Variants in GNPTAB observed in about 807,000 individuals in gnomAD.
GNPTAB encodes the protein N-acetylglucosamine-1-phosphate transferase subunits alpha and beta.
Under a neutral mutation model 136.6 loss-of-function variants are expected in GNPTAB, and 92 were observed. The ratio of observed to expected loss-of-function variants is 0.67; its 90% CI spans 0.57 to 0.80. GNPTAB has a LOEUF of 0.80. GNPTAB is among the 30% of genes least tolerant of loss of function. The pLI is 0.00. For synonymous variants in GNPTAB, 512 were observed against 535.1 expected (o/e 0.96, Z 0.60); for missense variants, 1,343 against 1,501.8 (o/e 0.89, Z 1.75).
In GNPTAB at chr12:101,761,206, G is replaced by C; in HGVS notation, c.3056C>G (p.Thr1019Arg). 6.2e-7 allele frequency: 1 copy of C among 1,613,948 alleles called. No homozygotes were observed. Among genetic ancestry groups the C allele is most frequent in the Non-Finnish European group, 8.5e-7 (1 of 1,179,816 alleles). The change falls in exon 15 of 21, where the codon ACA (threonine) becomes AGA (arginine). Residue 1019 changes from threonine to arginine, a missense_variant. Coordinates refer to ENST00000299314, the MANE Select transcript of GNPTAB (RefSeq NM_024312.5). ...GTCAGACAAGACACCAGATTGATCT[G>C]TATCAACTTCATCAAAGACTTGAGA... Reference protein sequence around the residue: ...NISQVFDEVDTDQSGVLSDRE... With the variant: ...NISQVFDEVDRDQSGVLSDRE...
rs199560005 is a variant in GNPTAB at position 101,771,007 on chromosome 12, C to T, written c.922G>A (p.Ala308Thr). ...SPAYLLWDLSAISQSKQDEDI... is the reference protein window; with the variant it reads ...SPAYLLWDLSTISQSKQDEDI... ...TGTGCATCCCTTACCTGGCTGATGG[C>T]GCTCAGATCCCATAATAAATATGCA... Residue 308 changes from alanine to threonine, a missense_variant, in exon 8 of 21, where the codon GCC becomes ACC. By Grantham distance (58) the Ala-to-Thr change is moderately conservative (BLOSUM62 0). Transcript: ENST00000299314. 29 of 1,613,796 alleles carry T rather than the reference C, an allele frequency of 1.8e-5. No homozygotes were observed. The highest frequency in any genetic ancestry group is 8.9e-5 in the East Asian group (4 of 44,890).
chr12:101,752,408 G>C (rs559257973), intron 19 of GNPTAB, among the ~76,000 whole-genome samples: 19 of 152,336 alleles, frequency 1.2e-4, no homozygotes, highest in Admixed American at 1.2e-3. Flanking sequence ...CTGGGTGACA[G>C]AGCAAGACTG....
chr12:101,796,267 G>A (rs1487598165), intron 2 of GNPTAB: 1 of 702,422 alleles, frequency 1.4e-6, no homozygotes, highest in Non-Finnish European at 2.6e-6. Flanking sequence ...ACAGACCTGG[G>A]GAGACAGAAA....
chr12:101,749,384 T>C (rs1952782979), intron 19 of GNPTAB, among the ~76,000 whole-genome samples, 193 bp from the exon 20 acceptor site: 1 of 152,224 alleles, frequency 6.6e-6, no homozygotes, highest in African/African-American at 2.4e-5. Context: ...ATAGTAAATA[T>C]TATACTTGAA....
intron 1 of GNPTAB, among the ~76,000 whole-genome samples, chr12:101,816,838 C>T (rs1275034644): frequency 2.6e-5 from 4 of 152,176 alleles, no homozygotes; most frequent in Non-Finnish European, 4.4e-5. Context: ...ATGGTTTATA[C>T]ACACAATGGG....
intron 1 of GNPTAB, among the ~76,000 whole-genome samples, chr12:101,801,875 T>C (rs1402848888): frequency 6.6e-6 from 1 of 151,880 alleles, no homozygotes; most frequent in African/African-American, 2.4e-5. Flanking sequence ...AGACCTTGTC[T>C]CTTCAAAAAA....
At chr12:101,803,138 T>C (rs1869738562) in intron 1 of GNPTAB, among the ~76,000 whole-genome samples, 1 of 152,124 alleles carries the variant, frequency 6.6e-6, no homozygotes, top group Admixed American at 6.6e-5. Context: ...CAAGAGGCCT[T>C]AGAAGCTGCC....
intron 1 of GNPTAB, among the ~76,000 whole-genome samples, chr12:101,797,394 G>A (rs913044250): frequency 1.3e-5 from 2 of 152,124 alleles, no homozygotes; most frequent in Non-Finnish European, 2.9e-5. Flanking sequence ...GGAGGCTGAG[G>A]AGGGTGGATT....
intron 7 of GNPTAB, chr12:101,779,332 C>A (rs1316873463): frequency 6.6e-6 from 1 of 152,226 alleles, no homozygotes; most frequent in Admixed American, 6.5e-5. Context: ...ATGGGACATT[C>A]ACGATTTACA....
Position 101,760,147 on chromosome 12 carries a change from A to C in GNPTAB, c.3136-4T>G. The C allele has an allele frequency of 6.5e-7, 1 of 1,534,582 alleles. No homozygotes were observed. Among genetic ancestry groups the C allele is most frequent in the South Asian group, 1.1e-5 (1 of 89,452 alleles). On this transcript the variant is annotated splice_region_variant and splice_polypyrimidine_tract_variant and intron_variant, in intron 15 of 20. Transcript: ENST00000299314. ...TGTGTTCCAGACCTGTCAAATCCTA[A>C]CAAAGAAAAAGATGATAAATCTGTT...
chr12:101,789,151 A>C (rs1335574644), intron 3 of GNPTAB, among the ~76,000 whole-genome samples: 2 of 152,218 alleles, frequency 1.3e-5, no homozygotes, highest in African/African-American at 2.4e-5. Context: ...ACTTATTTCA[A>C]GAAGATACCA....
Position 101,771,246 on chromosome 12 carries a change from C to CTT in GNPTAB, c.772-91_772-90dup, listed in dbSNP as rs367687458. The CTT allele has an allele frequency of 7.4e-3, 6,437 of 868,712 alleles. 59 individuals carry two copies. The highest frequency in any genetic ancestry group is 0.045 in the African/African-American group (2,498 of 54,942). 53.8% of individuals were successfully genotyped at this position (868,712 alleles called of 1,614,324 possible). A position where few individuals can be genotyped will look rare whatever the true frequency, so the allele number is the denominator to read the frequency against. On this transcript the variant is annotated intron_variant, in intron 7 of 20. Coordinates refer to ENST00000299314, the MANE Select transcript of GNPTAB (RefSeq NM_024312.5). ...TTCCCACTCTGCTCTTTAATCTTTC[C>CTT]TTTTTTTTTTTTTTTTGAGACACAG...
At chr12:101,822,369 G>C (rs540646819) in intron 1 of GNPTAB, among the ~76,000 whole-genome samples, 2 of 152,144 alleles carry the variant, frequency 1.3e-5, no homozygotes, top group African/African-American at 2.4e-5. Flanking sequence ...AGCCGAGATC[G>C]CGCCACTGCA....
At chr12:101,780,708 A>C in intron 5 of GNPTAB, 87 bp from the exon 6 acceptor site, 1 of 910,616 alleles carries the variant, frequency 1.1e-6, no homozygotes, top group Non-Finnish European at 1.8e-6. Flanking sequence ...ACATTCTGAG[A>C]GCTATTAAAG....
chr12:101,748,924 CTG>C (rs895338530), intron 20 of GNPTAB, among the ~76,000 whole-genome samples, 175 bp downstream of exon 20: 1 of 152,180 alleles, frequency 6.6e-6, no homozygotes, highest in African/African-American at 2.4e-5. Context: ...GAATAAAAGA[CTG>C]TTATATTTGC....
intron 19 of GNPTAB, among the ~76,000 whole-genome samples, chr12:101,749,687 C>T (rs1376844533): frequency 6.6e-6 from 1 of 152,212 alleles, no homozygotes; most frequent in African/African-American, 2.4e-5. Flanking sequence ...GAAATGAGGA[C>T]AGTGCCACAG....
rs541846488 is a variant in GNPTAB at position 101,803,629 on chromosome 12, G to A, written c.118-6867C>T. Among the ~76,000 whole-genome samples, 12 of 152,172 alleles carry A rather than the reference G, an allele frequency of 7.9e-5. 1 individual carries two copies. Among genetic ancestry groups the A allele is most frequent in the Non-Finnish European group, 8.8e-5 (6 of 68,008 alleles). ...GGCTACCCTCTTTGGATTCTCTACC[G>A]CAATAGACACACAACATAACAGATT... On this transcript the variant is annotated intron_variant, in intron 1 of 20. Transcript: ENST00000299314.
intron 1 of GNPTAB, among the ~76,000 whole-genome samples, chr12:101,819,075 G>C (rs556309063): frequency 6.6e-6 from 1 of 151,312 alleles, no homozygotes; most frequent in Admixed American, 6.6e-5. Flanking sequence ...GCAATGACAC[G>C]ATCTTGGCTT....
chr12:101,781,608 C>T (rs898691671), intron 5 of GNPTAB, among the ~76,000 whole-genome samples: 2 of 152,062 alleles, frequency 1.3e-5, no homozygotes, highest in Non-Finnish European at 1.5e-5. Context: ...TCATCTGAGC[C>T]CCGGAGTTGG....
Sources: allele counts gnomAD v4.1 joint callset (sites outside exome capture counted in the v4.1 genomes callset), GRCh38; gene constraint gnomAD v4.1.1; transcripts MANE v1.5; gene names NCBI Gene and HGNC (gene_info 2026-07-23, HGNC 2026-07-21).